The following MAGI2 variants were observed in gnomAD, a reference collection of about 807,000 sequenced individuals.
MAGI2 encodes the protein membrane associated guanylate kinase, WW and PDZ domain containing 2.
Under a neutral mutation model 133.3 loss-of-function variants are expected in MAGI2, and 35 were observed. The observed-to-expected ratio is 0.26, with a 90% CI of 0.20 to 0.35. The LOEUF (loss-of-function observed/expected upper bound fraction) is 0.35, where lower values mean the gene tolerates loss of function less well. Among genes scored for constraint, MAGI2 ranks in the 10% least tolerant of loss-of-function variants. The pLI is 1.00. For synonymous variants in MAGI2, 729 were observed against 710.6 expected (o/e 1.03, Z -0.41); for missense variants, 1,636 against 1,863.4 (o/e 0.88, Z 2.25).
intron 10 of MAGI2, among the ~76,000 whole-genome samples, chr7:78,209,179 G>C (rs1227153311): frequency 5.7e-5 from 2 of 34,864 alleles, no homozygotes; most frequent in Non-Finnish European, 1.2e-4. Flanking sequence ...CTGAGATCGC[G>C]CCACTGCACT....
At chr7:78,947,986 G>T (rs976206187) in intron 2 of MAGI2, among the ~76,000 whole-genome samples, 2 of 151,974 alleles carry the variant, frequency 1.3e-5, no homozygotes, top group African/African-American at 4.8e-5. Flanking sequence ...GTGACAATGT[G>T]CATTTGATGG....
At chr7:78,145,808 G>A (rs1296137996) in intron 16 of MAGI2, among the ~76,000 whole-genome samples, 1 of 152,128 alleles carries the variant, frequency 6.6e-6, no homozygotes, top group Non-Finnish European at 1.5e-5. Flanking sequence ...ATCCTCATAT[G>A]TTGGAGTGAG....
At chr7:78,722,416 C>A (rs540855368) in intron 2 of MAGI2, among the ~76,000 whole-genome samples, 16 of 152,014 alleles carry the variant, frequency 1.1e-4, no homozygotes, top group African/African-American at 3.9e-4. Flanking sequence ...TAACACATAA[C>A]CCAGGAATAA....
chr7:78,903,731 A>AGTGTGT (rs57469274), intron 2 of MAGI2, among the ~76,000 whole-genome samples: 3 of 150,726 alleles, frequency 2.0e-5, no homozygotes, highest in Admixed American at 6.6e-5. Flanking sequence ...CAAAGGCAAA[A>AGTGTGT]GTGTGTGTGT....
chr7:79,207,342 A>G (rs79350556), intron 1 of MAGI2, among the ~76,000 whole-genome samples: 27,484 of 151,842 alleles, frequency 0.18, 6,313 homozygotes, highest in African/African-American at 0.53. Context: ...TCCAAAAAGA[A>G]TTAGAAAAAA....
At chr7:78,769,085 T>A (rs1402306002) in intron 2 of MAGI2, among the ~76,000 whole-genome samples, 1 of 152,154 alleles carries the variant, frequency 6.6e-6, no homozygotes. Flanking sequence ...AGTACAGGAA[T>A]TCTTTAATAA....
chr7:78,562,992 T>C (rs973604666), intron 3 of MAGI2, among the ~76,000 whole-genome samples: 12 of 144,604 alleles, frequency 8.3e-5, no homozygotes, highest in African/African-American at 3.0e-4. Flanking sequence ...AGTTTCTTTT[T>C]TGTTGTTTTT....
intron 1 of MAGI2, among the ~76,000 whole-genome samples, chr7:79,143,413 T>C (rs1822316806): frequency 6.6e-6 from 1 of 152,224 alleles, no homozygotes; most frequent in Admixed American, 6.5e-5. Context: ...TCTGTTAAGC[T>C]AAAAACACAT....
chr7:78,541,829 T>C (rs1328955223), intron 3 of MAGI2, among the ~76,000 whole-genome samples: 1 of 152,248 alleles, frequency 6.6e-6, no homozygotes, highest in Non-Finnish European at 1.5e-5. Context: ...AAGTATTTTA[T>C]GATCTTCTAT....
chr7:78,257,602 T>G (rs149347436), intron 9 of MAGI2, among the ~76,000 whole-genome samples: 143 of 152,340 alleles, frequency 9.4e-4, no homozygotes, highest in African/African-American at 3.1e-3. Context: ...CTGCTTAAAA[T>G]GCAGAAAATC....
chr7:78,930,086 A>AT (rs1429897069), intron 2 of MAGI2, among the ~76,000 whole-genome samples: 1 of 152,108 alleles, frequency 6.6e-6, no homozygotes, highest in Non-Finnish European at 1.5e-5. Context: ...CTTACTAATA[A>AT]GTAAAGCTAT....
At chr7:79,042,028 G>A (rs116920159) in intron 1 of MAGI2, among the ~76,000 whole-genome samples, 1,735 of 152,108 alleles carry the variant, frequency 0.011, 16 homozygotes, top group Non-Finnish European at 0.019. Flanking sequence ...TTTGCTCTTC[G>A]AGAGATAAAT....
intron 1 of MAGI2, among the ~76,000 whole-genome samples, chr7:79,442,930 T>C (rs997553012): frequency 6.6e-6 from 1 of 151,252 alleles, no homozygotes; most frequent in African/African-American, 2.4e-5. Context: ...CATCCTTACA[T>C]CATAGACTGT....
chr7:79,216,721 G>A (rs767797749), intron 1 of MAGI2, among the ~76,000 whole-genome samples: 15 of 152,020 alleles, frequency 9.9e-5, no homozygotes, highest in Non-Finnish European at 2.2e-4. Context: ...TTTCACATAT[G>A]CATATACACA....
chr7:79,385,734 G>A (rs892410827), intron 1 of MAGI2, among the ~76,000 whole-genome samples: 4 of 151,968 alleles, frequency 2.6e-5, no homozygotes, highest in Admixed American at 6.6e-5. Context: ...ACAAAAGAGC[G>A]AATATGTAGG....
At chr7:78,066,320 G>A (rs1302185075) in intron 21 of MAGI2, among the ~76,000 whole-genome samples, 1 of 151,994 alleles carries the variant, frequency 6.6e-6, no homozygotes, top group Non-Finnish European at 1.5e-5. Flanking sequence ...AAATTAGCTG[G>A]GCAGGTTGGT....
At chr7:78,177,940 A>T in intron 14 of MAGI2, 71 bp downstream of exon 14, 2 of 1,097,820 alleles carry the variant, frequency 1.8e-6, no homozygotes, top group South Asian at 2.6e-5. Flanking sequence ...TATCACACTA[A>T]ACACTATTTT....
At chr7:78,144,892 C>A (rs575979491) in intron 16 of MAGI2, among the ~76,000 whole-genome samples, 1 of 152,134 alleles carries the variant, frequency 6.6e-6, no homozygotes, top group Admixed American at 6.5e-5. Flanking sequence ...GCCCCCCTGC[C>A]CCCCATGTGC....
At chr7:78,385,392 CACAG>C (rs899782388) in intron 6 of MAGI2, among the ~76,000 whole-genome samples, 3 of 152,226 alleles carry the variant, frequency 2.0e-5, no homozygotes, top group African/African-American at 7.2e-5. Context: ...CATTACTTAT[CACAG>C]ACAGTGTCAA....
Sources: allele counts gnomAD v4.1 joint callset (sites outside exome capture counted in the v4.1 genomes callset), GRCh38; gene constraint gnomAD v4.1.1; transcripts MANE v1.5; gene names NCBI Gene and HGNC (gene_info 2026-07-23, HGNC 2026-07-21).